Variants in GOSR1 observed in about 807,000 individuals in gnomAD.
The protein encoded by GOSR1 is golgi SNAP receptor complex member 1.
GOSR1 carries 21 observed loss-of-function variants against 35.5 expected under a neutral mutation model. The observed-to-expected ratio is 0.59, with a 90% confidence interval of 0.42 to 0.85. GOSR1 has a LOEUF of 0.85. GOSR1 is among the 40% of genes least tolerant of loss of function. The pLI, the probability that GOSR1 is intolerant of heterozygous loss-of-function variation, is 0.00. For missense variants in GOSR1, 285 were observed against 309.6 expected (o/e 0.92, Z 0.60); for synonymous variants, 94 against 106.6 (o/e 0.88, Z 0.73).
intron 4 of GOSR1, 76 bp from the exon 5 acceptor site, chr17:30,490,050 G>A: frequency 2.9e-6 from 2 of 698,492 alleles, no homozygotes; most frequent in East Asian, 5.2e-5. Context: ...ACAGTGTGAT[G>A]ACGATACATA....
At chr17:30,508,327 TTA>T (rs1204169430) in intron 6 of GOSR1, among the ~76,000 whole-genome samples, 21 of 152,362 alleles carry the variant, frequency 1.4e-4, no homozygotes, top group African/African-American at 5.0e-4. Flanking sequence ...ATATAAATCT[TTA>T]TGTTCATATT....
intron 4 of GOSR1, among the ~76,000 whole-genome samples, chr17:30,488,164 C>CT (rs1165032726): frequency 0.029 from 3,343 of 116,898 alleles, 259 homozygotes; most frequent in African/African-American, 0.094. Context: ...TTTAAATATA[C>CT]TTTTTTTTTT....
chr17:30,498,101 T>C (rs1462510780), intron 6 of GOSR1, among the ~76,000 whole-genome samples: 1 of 151,810 alleles, frequency 6.6e-6, no homozygotes, highest in Admixed American at 6.6e-5. Context: ...TTACTCTTAT[T>C]AGTCATTAGT....
rs1390964291 is a variant in GOSR1 at position 30,522,571 on chromosome 17, AACAC to A, written c.*195_*198del. On this transcript the variant is annotated 3_prime_UTR_variant, in exon 9 of 9. Transcript: ENST00000451249. Reference sequence around the variant, plus strand: ...ACAGTTTCTCTGTGCTGTGTTTTCTAACACATTTTTCTGTTTTTAATTAAAAAAA... The same window carrying A: ...ACAGTTTCTCTGTGCTGTGTTTTCTAATTTTTCTGTTTTTAATTAAAAAAA... 1 of 428,970 alleles carries A rather than the reference AACAC, an allele frequency of 2.3e-6. No individual in the cohort carries two copies. The highest frequency in any genetic ancestry group is 3.9e-5 in the Admixed American group (1 of 25,774). The allele number at this position is 428,970 out of a possible 1,614,324, so 26.6% of individuals were successfully genotyped here. A position where few individuals can be genotyped will look rare whatever the true frequency, so the allele number is the denominator to read the frequency against.
rs764645836 is a variant in GOSR1 at position 30,484,754 on chromosome 17, A to G, written c.326A>G (p.His109Arg). 2 of 1,554,222 alleles carry G rather than the reference A, an allele frequency of 1.3e-6. No homozygotes were observed. Among genetic ancestry groups the G allele is most frequent in the Non-Finnish European group, 1.8e-6 (2 of 1,125,554 alleles). ...GCCCTGATGCATACATTACAGCGGC[A>G]TAGAGACATATTGCAGGTAATATAT... ...NAALMHTLQR[H>R]RDILQDYTHE... Residue 109 changes from histidine (H) to arginine (R), a missense_variant, in exon 4 of 9, where the codon CAT (histidine) becomes CGT (arginine). By Grantham distance (29) the His-to-Arg change is conservative. Coordinates refer to ENST00000451249, the MANE Select transcript of GOSR1 (RefSeq NM_001007025.2).
At chr17:30,497,767 C>T (rs1467240364) in intron 6 of GOSR1, among the ~76,000 whole-genome samples, 2 of 152,186 alleles carry the variant, frequency 1.3e-5, no homozygotes, top group Non-Finnish European at 2.9e-5. Flanking sequence ...TCTATTAAAA[C>T]TCAATGTATG....
chr17:30,478,574 T>C (rs1225614182), intron 1 of GOSR1: 4 of 151,692 alleles, frequency 2.6e-5, no homozygotes, highest in Admixed American at 1.3e-4. Flanking sequence ...TTTTTTTTTT[T>C]TGGAGACTCG....
rs924475162 is a variant in GOSR1 at position 30,525,891 on chromosome 17, C to G, written c.*3513C>G. ...GTTGGTGTCAGATAGGTCTGACTAA[C>G]CTCTCCGTGCTGCAGCCTATACTAA... is the stretch of plus-strand genomic sequence containing the variant. On this transcript the variant is annotated 3_prime_UTR_variant, in exon 9 of 9. Transcript: ENST00000451249. 1.3e-5 allele frequency: 2 copies of G among 152,162 alleles called. No homozygotes were observed. 9.4% of individuals were successfully genotyped at this position (152,162 alleles called of 1,614,324 possible).
intron 4 of GOSR1, among the ~76,000 whole-genome samples, chr17:30,487,746 G>A (rs950356221): frequency 6.6e-6 from 1 of 152,086 alleles, no homozygotes; most frequent in Non-Finnish European, 1.5e-5. Context: ...TTAAATGAAT[G>A]TGAGATTCTT....
At chr17:30,495,318 A>G (rs1461931672) in intron 6 of GOSR1, 1 of 407,138 alleles carries the variant, frequency 2.5e-6, no homozygotes, top group African/African-American at 2.1e-5. Context: ...CCAGAATCAT[A>G]CATTCATTAC....
chr17:30,497,109 C>T (rs1275875112), intron 6 of GOSR1, among the ~76,000 whole-genome samples: 1 of 152,114 alleles, frequency 6.6e-6, no homozygotes, highest in African/African-American at 2.4e-5. Flanking sequence ...AGACTTCTTG[C>T]TGGGGGCATT....
chr17:30,494,020 T>C (rs1966898933), intron 6 of GOSR1, among the ~76,000 whole-genome samples: 1 of 152,148 alleles, frequency 6.6e-6, no homozygotes, highest in South Asian at 2.1e-4. Context: ...AATTTCCAAG[T>C]TTGATATTTT....
chr17:30,520,803 T>C (rs1277337924), intron 8 of GOSR1, among the ~76,000 whole-genome samples: 5 of 152,246 alleles, frequency 3.3e-5, no homozygotes, highest in Non-Finnish European at 5.9e-5. Flanking sequence ...AAGACTCTCC[T>C]GATGTGTGCT....
chr17:30,517,580 A>T (rs1967868574), intron 7 of GOSR1, among the ~76,000 whole-genome samples: 1 of 149,200 alleles, frequency 6.7e-6, no homozygotes. Flanking sequence ...TGTTACTTCC[A>T]GTTTTGGGGG....
Position 30,527,446 on chromosome 17 carries a change from A to C in GOSR1, c.*5068A>C, listed in dbSNP as rs1222056739. The C allele has an allele frequency of 6.6e-6, 1 of 152,204 alleles. No individual in the cohort carries two copies. The highest frequency in any genetic ancestry group is 2.4e-5 in the African/African-American group (1 of 41,440). The allele number at this position is 152,204 out of a possible 1,614,324, so 9.4% of individuals were successfully genotyped here. A position where few individuals can be genotyped will look rare whatever the true frequency, so the allele number is the denominator to read the frequency against. ...TGTCTAATTTTAGAGCTTTGCAATT[A>C]ATCCAGCCAGTGATCAATTCCTCTT... On this transcript the variant is annotated 3_prime_UTR_variant, in exon 9 of 9. Transcript: ENST00000451249.
At chr17:30,486,990 GAACA>G (rs1914723468) in intron 4 of GOSR1, among the ~76,000 whole-genome samples, 1 of 151,844 alleles carries the variant, frequency 6.6e-6, no homozygotes, top group African/African-American at 2.4e-5. Flanking sequence ...AGACATACAA[GAACA>G]ACCAAGAAAA....
At chr17:30,520,255 A>G in intron 8 of GOSR1, 1 of 363,132 alleles carries the variant, frequency 2.8e-6, no homozygotes, top group South Asian at 9.5e-5. Flanking sequence ...GAAAAAAATT[A>G]TAAATGTGAA....
intron 6 of GOSR1, among the ~76,000 whole-genome samples, chr17:30,494,366 C>T (rs943083444): frequency 1.3e-5 from 2 of 152,072 alleles, no homozygotes; most frequent in African/African-American, 4.8e-5. Flanking sequence ...CTTCTCTTTC[C>T]CTGAGTCTGT....
intron 7 of GOSR1, among the ~76,000 whole-genome samples, chr17:30,519,058 C>G (rs919416637): frequency 6.6e-6 from 1 of 151,602 alleles, no homozygotes; most frequent in Non-Finnish European, 1.5e-5. Context: ...TCTCTTTTCT[C>G]TTTAATCTTT....
Sources: allele counts gnomAD v4.1 joint callset (sites outside exome capture counted in the v4.1 genomes callset), GRCh38; gene constraint gnomAD v4.1.1; transcripts MANE v1.5; gene names NCBI Gene and HGNC (gene_info 2026-07-23, HGNC 2026-07-21).